The following GTF2H5 variants were observed in gnomAD, a reference collection of about 807,000 sequenced individuals.
GTF2H5 encodes the protein TFB5 ortholog.
GTF2H5 carries 5 observed loss-of-function variants against 7.1 expected under a neutral mutation model. That is an observed-to-expected ratio of 0.71 (90% CI 0.37 to 1.49). The LOEUF is 1.49. Among genes scored for constraint, GTF2H5 ranks in the 40% most tolerant of loss-of-function variants. GTF2H5 has a pLI of 0.03. For missense variants in GTF2H5, 80 were observed against 83.0 expected (o/e 0.96, Z 0.14); for synonymous variants, 30 against 31.7 (o/e 0.95, Z 0.18).
intron 2 of GTF2H5, among the ~76,000 whole-genome samples, chr6:158,184,502 A>G (rs1405609400): frequency 6.6e-6 from 1 of 152,054 alleles, no homozygotes; most frequent in Non-Finnish European, 1.5e-5. Context: ...AATGTCTCCT[A>G]TGGTGTCTCT....
At chr6:158,169,825 G>A (rs912253391) in intron 1 of GTF2H5, among the ~76,000 whole-genome samples, 2 of 67,890 alleles carry the variant, frequency 2.9e-5, no homozygotes, top group Non-Finnish European at 5.2e-5. Context: ...ATATATAAAA[G>A]TGTGTATATA....
At chr6:158,190,990 C>A (rs975569221) in intron 2 of GTF2H5, 2 of 493,108 alleles carry the variant, frequency 4.1e-6, no homozygotes, top group South Asian at 3.0e-5. Flanking sequence ...CTTTCCAAAC[C>A]AAAAACCACA....
intron 2 of GTF2H5, among the ~76,000 whole-genome samples, chr6:158,188,358 A>C (rs1776963333): frequency 6.6e-6 from 1 of 152,228 alleles, no homozygotes; most frequent in South Asian, 2.1e-4. Context: ...GGAAACAACT[A>C]AATTTTTAAA....
At chr6:158,181,811 G>A (rs1028194127) in intron 2 of GTF2H5, among the ~76,000 whole-genome samples, 2 of 151,976 alleles carry the variant, frequency 1.3e-5, no homozygotes, top group South Asian at 2.1e-4. Context: ...GCACACCAAC[G>A]GGTCTTGACT....
chr6:158,194,227 A>G lies in GTF2H5; in HGVS notation c.*2070A>G, dbSNP rs1777071888. The G allele has an allele frequency of 6.6e-6, 1 of 152,220 alleles. No individual in the cohort carries two copies. Among genetic ancestry groups the G allele is most frequent in the Non-Finnish European group, 1.5e-5 (1 of 68,042 alleles). The allele number at this position is 152,220 out of a possible 1,614,324, so 9.4% of individuals were successfully genotyped here. On this transcript the variant is annotated 3_prime_UTR_variant, in exon 3 of 3. Transcript: ENST00000607778. Reference sequence around the variant, plus strand: ...GATATTTATGAGAAAACTATTGAACAGTGACTGTGTTGTACCCGAGCAAGT... The same window carrying G: ...GATATTTATGAGAAAACTATTGAACGGTGACTGTGTTGTACCCGAGCAAGT...
At position 158,192,275 on chromosome 6, in the gene GTF2H5, A is replaced by G. The variant is rs1777041301; in HGVS notation, c.*118A>G. The G allele has an allele frequency of 2.7e-6, 2 of 747,460 alleles. No homozygotes were observed. Among genetic ancestry groups the G allele is most frequent in the Non-Finnish European group, 4.7e-6 (2 of 423,528 alleles). 46.3% of individuals were successfully genotyped at this position (747,460 alleles called of 1,614,324 possible). A position where few individuals can be genotyped will look rare whatever the true frequency, so the allele number is the denominator to read the frequency against. On this transcript the variant is annotated 3_prime_UTR_variant, in exon 3 of 3. Transcript: ENST00000607778. ...TTGTTTTAGGAGCATGCCACGGGAA[A>G]GACTGAGGGATCATGATCATTTGTT...
At chr6:158,188,140 G>T (rs1267254238) in intron 2 of GTF2H5, among the ~76,000 whole-genome samples, 2 of 152,158 alleles carry the variant, frequency 1.3e-5, no homozygotes, top group Admixed American at 1.3e-4. Flanking sequence ...TACTTGTGGG[G>T]CCTGGAGAGT....
intron 2 of GTF2H5, among the ~76,000 whole-genome samples, 157 bp from the exon 3 acceptor site, chr6:158,191,820 A>G (rs1777031854): frequency 6.6e-6 from 1 of 152,208 alleles, no homozygotes; most frequent in Admixed American, 6.5e-5. Flanking sequence ...CCATGTCTAT[A>G]AATTGTTAAC....
Position 158,169,683 on chromosome 6 carries a change from A to ATTGTG in GTF2H5, c.-34-786_-34-785insTGTGT, listed in dbSNP as rs1280219303. On this transcript the variant is annotated intron_variant, in intron 1 of 2. Transcript: ENST00000607778. ...TAATATATTGTATATTATATAATAT[A>ATTGTG]TAATATATATTATATAATATATTGT... Among the ~76,000 whole-genome samples, 3 of 89,542 alleles carry ATTGTG rather than the reference A, an allele frequency of 3.4e-5. 1 individual carries two copies. The highest frequency in any genetic ancestry group is 1.7e-4 in the African/African-American group (3 of 17,212). 58.7% of individuals were successfully genotyped at this position (89,542 alleles called of 152,430 possible).
chr6:158,171,006 G>A (rs1785848139), intron 2 of GTF2H5, among the ~76,000 whole-genome samples: 1 of 152,142 alleles, frequency 6.6e-6, no homozygotes, highest in African/African-American at 2.4e-5. Flanking sequence ...GGAACCCCGG[G>A]AACCCTGCTC....
chr6:158,169,651 T>TTG lies in GTF2H5; in HGVS notation c.-34-818_-34-817insGT, dbSNP rs1342358198. ...TATTGTATATTACATATATTGTATA[T>TTG]TACATATAATATATTGTATATTATA... On this transcript the variant is annotated intron_variant, in intron 1 of 2. Transcript: ENST00000607778. Among the ~76,000 whole-genome samples the TTG allele has an allele frequency of 1.4e-3, 99 of 71,928 alleles. 4 individuals carry two copies. Among genetic ancestry groups the TTG allele is most frequent in the Non-Finnish European group, 1.9e-3 (85 of 45,386 alleles). The allele number at this position is 71,928 out of a possible 152,430, so 47.2% of individuals were successfully genotyped here. A position where few individuals can be genotyped will look rare whatever the true frequency, so the allele number is the denominator to read the frequency against.
intron 1 of GTF2H5, among the ~76,000 whole-genome samples, chr6:158,169,559 T>TATAATATATTGTGTATTAC (rs1562468610): frequency 1.5e-5 from 1 of 67,890 alleles, no homozygotes; most frequent in African/African-American, 6.8e-5. Context: ...CTGTATATTA[T>TATAATATATTGTGTATTAC]ATATAATATA....
chr6:158,191,012 T>C (rs1777017405), intron 2 of GTF2H5: 15 of 478,872 alleles, frequency 3.1e-5, no homozygotes, highest in South Asian at 2.3e-4. Flanking sequence ...GTTAATAAAA[T>C]TGAATTTGGA....
chr6:158,190,766 A>G (rs1777013547), intron 2 of GTF2H5: 2 of 377,810 alleles, frequency 5.3e-6, no homozygotes, highest in East Asian at 7.3e-5. Context: ...TCAAGACACC[A>G]AAAGATTATA....
intron 1 of GTF2H5, among the ~76,000 whole-genome samples, chr6:158,169,513 ATT>A (rs1491158509): frequency 3.5e-5 from 3 of 85,934 alleles, no homozygotes; most frequent in Non-Finnish European, 6.0e-5. Context: ...TATATTGTAT[ATT>A]ATATATAATA....
At chr6:158,169,712 T>TTATATAATATATAA (rs1785797572) in intron 1 of GTF2H5, among the ~76,000 whole-genome samples, 1 of 67,860 alleles carries the variant, frequency 1.5e-5, no homozygotes, top group Non-Finnish European at 2.6e-5. Context: ...ATATTGTATA[T>TTATATAATATATAA]TATATATTAT....
In GTF2H5 at chr6:158,194,262, G is replaced by A. The variant is rs1381978745; in HGVS notation, c.*2105G>A. 1 of 152,122 alleles carries A rather than the reference G, an allele frequency of 6.6e-6. No individual in the cohort carries two copies. Among genetic ancestry groups the A allele is most frequent in the Admixed American group, 6.5e-5 (1 of 15,268 alleles). The allele number at this position is 152,122 out of a possible 1,614,324, so 9.4% of individuals were successfully genotyped here. A position where few individuals can be genotyped will look rare whatever the true frequency, so the allele number is the denominator to read the frequency against. Reference sequence around the variant, plus strand: ...TTGTACCCGAGCAAGTTAGAGGAACGCCACACTTTGAGACGAATTTAAAAG... The same window carrying A: ...TTGTACCCGAGCAAGTTAGAGGAACACCACACTTTGAGACGAATTTAAAAG... On this transcript the variant is annotated 3_prime_UTR_variant, in exon 3 of 3. Coordinates refer to ENST00000607778, the MANE Select transcript of GTF2H5 (RefSeq NM_207118.3).
chr6:158,181,179 G>T (rs149936047), intron 2 of GTF2H5, among the ~76,000 whole-genome samples: 2 of 152,166 alleles, frequency 1.3e-5, no homozygotes, highest in Non-Finnish European at 2.9e-5. Flanking sequence ...TAGTTGTGTG[G>T]TTTTGAGTGA....
chr6:158,196,470 G>C lies in GTF2H5; in HGVS notation c.*4313G>C, dbSNP rs1777115579. The C allele has an allele frequency of 6.6e-6, 1 of 152,096 alleles. No homozygotes were observed. Among genetic ancestry groups the C allele is most frequent in the Non-Finnish European group, 1.5e-5 (1 of 68,016 alleles). 9.4% of individuals were successfully genotyped at this position (152,096 alleles called of 1,614,324 possible). On this transcript the variant is annotated 3_prime_UTR_variant, in exon 3 of 3. Coordinates refer to ENST00000607778, the MANE Select transcript of GTF2H5 (RefSeq NM_207118.3). ...AATGAATGTGAGTTAACACACAAGA[G>C]GTCTTCAAAAAGTTGATGGAAAATG...
Sources: gnomAD v4.1 joint callset for allele counts (sites outside exome capture counted in the v4.1 genomes callset) on GRCh38, gnomAD v4.1.1 for gene constraint, MANE v1.5 for transcripts, NCBI Gene and HGNC (gene_info 2026-07-23, HGNC 2026-07-21) for gene names.